Variants in GNG7 observed in about 807,000 individuals in gnomAD.
GNG7 encodes G protein subunit gamma 7, also known as guanine nucleotide-binding protein G(I)/G(S)/G(O) subunit gamma-7.
In GNG7, 1 loss-of-function variant was observed where a neutral mutation model predicts 4.0. The ratio of observed to expected loss-of-function variants is 0.25; its 90% CI spans 0.09 to 1.18. The LOEUF is 1.18. Ranked by LOEUF, GNG7 falls within the 50% of genes most tolerant of loss-of-function variation. The probability of loss-of-function intolerance (pLI) is 0.50; values close to 1 mark genes in which losing one functional copy is unlikely to be tolerated. For synonymous variants in GNG7, 34 were observed against 36.9 expected, an observed-to-expected ratio of 0.92 and a Z score of 0.29; for missense variants, 86 against 91.9, an observed-to-expected ratio of 0.94 and a Z score of 0.26.
intron 1 of GNG7, among the ~76,000 whole-genome samples, chr19:2,650,106 G>A (rs891872124): frequency 5.3e-5 from 8 of 152,040 alleles, no homozygotes; most frequent in Non-Finnish European, 7.4e-5. Context: ...TCCATTCACC[G>A]GCGGATGGAC....
chr19:2,567,350 T>TGTGTGTGTGTGTGTGTGTGTGA (rs1259433698), intron 2 of GNG7, among the ~76,000 whole-genome samples: 41 of 150,966 alleles, frequency 2.7e-4, no homozygotes, highest in African/African-American at 8.6e-4. Context: ...TGTGTGTGTG[T>TGTGTGTGTGTGTGTGTGTGTGA]GACATAGGGT....
chr19:2,642,613 C>T (rs1982538275), intron 2 of GNG7: 2 of 363,800 alleles, frequency 5.5e-6, no homozygotes, highest in African/African-American at 4.3e-5. Context: ...CGATCCTCCC[C>T]ACTTCAGCCC....
At position 2,557,445 on chromosome 19, in the gene GNG7, T is replaced by C. The variant is rs1326841675; in HGVS notation, c.-77-2257A>G. Among the ~76,000 whole-genome samples, 1 of 152,176 alleles carries C rather than the reference T, an allele frequency of 6.6e-6. No individual in the cohort carries two copies. Among genetic ancestry groups the C allele is most frequent in the Non-Finnish European group, 1.5e-5 (1 of 68,032 alleles). On this transcript the variant is annotated intron_variant, in intron 2 of 4. Transcript: ENST00000382159. This position sits in a 1 kb window ranked among gnomAD's most constrained non-coding sequence, Gnocchi z 5.1. ...TGAAGCAAGGTCCTGCTAGTAAACA[T>C]GCACAGACTCAAGAAACGAGGGGCT...
At chr19:2,680,397 G>A (rs892740550) in intron 1 of GNG7, among the ~76,000 whole-genome samples, 33 of 151,774 alleles carry the variant, frequency 2.2e-4, no homozygotes, top group Middle Eastern at 3.4e-3. Context: ...TGATCCACCC[G>A]CCTCGGTCTC....
intron 3 of GNG7, among the ~76,000 whole-genome samples, chr19:2,527,515 GCAGA>G (rs779394541): frequency 1.3e-5 from 2 of 152,226 alleles, no homozygotes; most frequent in Non-Finnish European, 2.9e-5. Context: ...AGATGGCTGA[GCAGA>G]CAAAGACCCA....
At chr19:2,570,390 T>C (rs1215611332) in intron 2 of GNG7, among the ~76,000 whole-genome samples, 3 of 152,136 alleles carry the variant, frequency 2.0e-5, no homozygotes, top group Admixed American at 2.0e-4. Flanking sequence ...AAACAGACTA[T>C]GACAGTCAGG....
rs71178284 is a variant in GNG7, at chr19:2,521,612, G to GTTTTTTTT, written c.-37-895_-37-888dup. Among the ~76,000 whole-genome samples, 126 of 104,680 alleles carry GTTTTTTTT rather than the reference G, an allele frequency of 1.2e-3. 8 individuals carry two copies. Among genetic ancestry groups the GTTTTTTTT allele is most frequent in the African/African-American group, 3.5e-3 (89 of 25,490 alleles). 68.7% of individuals were successfully genotyped at this position (104,680 alleles called of 152,430 possible). ...ACCCCTGGTGACTGTCCCCCTCCGT[G>GTTTTTTTT]TTTTTTTTTTTTTTTTTTTGAGACA... is the stretch of plus-strand genomic sequence containing the variant. On this transcript the variant is annotated intron_variant, in intron 3 of 4. Coordinates refer to ENST00000382159, the MANE Select transcript of GNG7 (RefSeq NM_052847.3).
chr19:2,559,827 G>A (rs1979685960), intron 2 of GNG7, among the ~76,000 whole-genome samples: 1 of 104,908 alleles, frequency 9.5e-6, no homozygotes, highest in Non-Finnish European at 2.0e-5. Flanking sequence ...GTGTCTTCTT[G>A]AATGCCTATC....
chr19:2,620,338 T>C (rs907621841), intron 2 of GNG7, among the ~76,000 whole-genome samples: 15 of 149,852 alleles, frequency 1.0e-4, no homozygotes, highest in South Asian at 4.2e-4. Flanking sequence ...TCCCGACCCC[T>C]CTCTCTGCAG....
intron 1 of GNG7, among the ~76,000 whole-genome samples, chr19:2,697,928 C>T (rs1425369549): frequency 2.0e-5 from 3 of 151,178 alleles, no homozygotes; most frequent in Non-Finnish European, 2.9e-5. Flanking sequence ...GACAAGATGG[C>T]GCCACTGCAC....
chr19:2,606,908 T>C (rs185657079), intron 2 of GNG7, among the ~76,000 whole-genome samples: 74 of 151,486 alleles, frequency 4.9e-4, no homozygotes, highest in African/African-American at 1.7e-3. Context: ...AATAATGCCA[T>C]GGAGTTGCAA....
At chr19:2,682,824 C>A (rs1322326643) in intron 1 of GNG7, among the ~76,000 whole-genome samples, 1 of 151,968 alleles carries the variant, frequency 6.6e-6, no homozygotes, top group Non-Finnish European at 1.5e-5. Context: ...CTGGGGGTAA[C>A]TGCAATGCTG....
intron 1 of GNG7, among the ~76,000 whole-genome samples, chr19:2,656,185 A>C (rs900728568): frequency 6.6e-6 from 1 of 152,234 alleles, no homozygotes; most frequent in Non-Finnish European, 1.5e-5. Flanking sequence ...TAGAACCACC[A>C]TATGATCCAG....
Position 2,557,318 on chromosome 19 carries a change from CACAT to C in GNG7, c.-77-2134_-77-2131del, listed in dbSNP as rs1311011680. ...AGAGGTGCACATACACGCACAGACA[CACAT>C]GTGCACACAGACACACACATGTGCA... On this transcript the variant is annotated intron_variant, in intron 2 of 4. Transcript: ENST00000382159. This position sits in a 1 kb window ranked among gnomAD's most constrained non-coding sequence, Gnocchi z 5.1. Among the ~76,000 whole-genome samples the C allele has an allele frequency of 1.7e-4, 24 of 142,194 alleles. No individual in the cohort carries two copies. The highest frequency in any genetic ancestry group is 6.0e-4 in the East Asian group (3 of 4,996). The allele number at this position is 142,194 out of a possible 152,430, so 93.3% of individuals were successfully genotyped here.
At chr19:2,651,245 T>TTTCC (rs1229197006) in intron 1 of GNG7, among the ~76,000 whole-genome samples, 161 of 87,202 alleles carry the variant, frequency 1.8e-3, no homozygotes, top group East Asian at 0.012. Context: ...CCTTCCTTCC[T>TTTCC]TTCCTTCCTT....
chr19:2,688,670 G>A (rs931648057), intron 1 of GNG7, among the ~76,000 whole-genome samples: 1 of 152,132 alleles, frequency 6.6e-6, no homozygotes, highest in East Asian at 1.9e-4. Flanking sequence ...CCGGAGACGA[G>A]CCGGCTAAAT....
intron 1 of GNG7, among the ~76,000 whole-genome samples, chr19:2,671,538 G>T (rs533459639): frequency 6.6e-6 from 1 of 152,048 alleles, no homozygotes; most frequent in African/African-American, 2.4e-5. Flanking sequence ...GGGAACGTTC[G>T]TCCTGGCTGA....
Position 2,689,265 on chromosome 19 carries a change from T to C in GNG7, c.-135+13381A>G, listed in dbSNP as rs545441997. Among the ~76,000 whole-genome samples the C allele has an allele frequency of 1.0e-4, 15 of 147,794 alleles. No individual in the cohort carries two copies. The South Asian group carries it at 2.8e-3, about 28-fold the overall frequency. On this transcript the variant is annotated intron_variant, in intron 1 of 4. Coordinates refer to ENST00000382159, the MANE Select transcript of GNG7 (RefSeq NM_052847.3). ...GCACCGTGTTATAGGGGAAAAAAAA[T>C]AATTATATAAAATTGTTCCCAAATC...
intron 3 of GNG7, among the ~76,000 whole-genome samples, chr19:2,545,061 C>T (rs972924465): frequency 3.9e-5 from 6 of 152,306 alleles, no homozygotes; most frequent in African/African-American, 1.4e-4. Context: ...TGTGCAGCCT[C>T]CTGGGACCTC....
Sources: allele counts gnomAD v4.1 joint callset (sites outside exome capture counted in the v4.1 genomes callset), GRCh38; gene constraint gnomAD v4.1.1; non-coding constraint Gnocchi (gnomAD v3.1); transcripts MANE v1.5; gene names NCBI Gene and HGNC (gene_info 2026-07-23, HGNC 2026-07-21).